The following WWTR1 variants were observed in gnomAD, a reference collection of about 807,000 sequenced individuals.
WWTR1 encodes the protein WW domain-containing transcription regulator protein 1.
Under a neutral mutation model 40.1 loss-of-function variants are expected in WWTR1, and 13 were observed. That is an observed-to-expected ratio of 0.32 (90% CI 0.21 to 0.52). The LOEUF (loss-of-function observed/expected upper bound fraction) is 0.52, where lower values mean the gene tolerates loss of function less well. Among genes scored for constraint, WWTR1 ranks in the 20% least tolerant of loss-of-function variants. The pLI, the probability that WWTR1 is intolerant of heterozygous loss-of-function variation, is 0.97. For synonymous variants in WWTR1, 230 were observed against 210.1 expected, an observed-to-expected ratio of 1.09 and a Z score of -0.82; for missense variants, 436 against 523.1, an observed-to-expected ratio of 0.83 and a Z score of 1.63.
intron 2 of WWTR1, among the ~76,000 whole-genome samples, chr3:149,640,029 AG>A (rs1454999946): frequency 6.6e-6 from 1 of 151,848 alleles, no homozygotes; most frequent in Non-Finnish European, 1.5e-5. Context: ...AAAGAAAGAA[AG>A]AAAGAAAGAA....
intron 1 of WWTR1, among the ~76,000 whole-genome samples, chr3:149,683,041 C>G (rs1714510722): frequency 6.6e-6 from 1 of 152,108 alleles, no homozygotes; most frequent in Non-Finnish European, 1.5e-5. Flanking sequence ...CTGGGGATAG[C>G]TCTATATTAG....
In WWTR1 at chr3:149,625,649, G is replaced by T. The variant is rs1056863937; in HGVS notation, c.431+31227C>A. On this transcript the variant is annotated intron_variant, in intron 2 of 6. Transcript: ENST00000360632. Reference sequence around the variant, plus strand: ...CTACTAAAAATACAAAAACTAGCTGGGCATGGTGGCACATGCCTGTAATCC... The same window carrying T: ...CTACTAAAAATACAAAAACTAGCTGTGCATGGTGGCACATGCCTGTAATCC... Among the ~76,000 whole-genome samples the T allele has an allele frequency of 2.0e-5, 3 of 151,708 alleles. No homozygotes were observed. The East Asian group carries it at 5.9e-4, about 30-fold the overall frequency.
intron 3 of WWTR1, among the ~76,000 whole-genome samples, chr3:149,550,310 A>C (rs986512191): frequency 6.6e-6 from 1 of 152,238 alleles, no homozygotes; most frequent in Admixed American, 6.5e-5. Flanking sequence ...CCCTGGTCTA[A>C]TAAGACTGGG....
intron 1 of WWTR1, chr3:149,702,687 C>T (rs1184010394): frequency 2.0e-5 from 3 of 152,022 alleles, no homozygotes; most frequent in Non-Finnish European, 2.9e-5. Flanking sequence ...CAGACACATC[C>T]TGATTGGCAA....
intron 2 of WWTR1, among the ~76,000 whole-genome samples, chr3:149,627,765 A>G (rs1740636797): frequency 6.6e-6 from 1 of 152,214 alleles, no homozygotes; most frequent in African/African-American, 2.4e-5. Flanking sequence ...CTTTCTAAAA[A>G]ATTCTGAAGA....
At chr3:149,563,929 T>G (rs1245239239) in intron 3 of WWTR1, among the ~76,000 whole-genome samples, 1 of 152,126 alleles carries the variant, frequency 6.6e-6, no homozygotes, top group Non-Finnish European at 1.5e-5. Context: ...TTTTTTTGTG[T>G]TTTTGGTGGA....
At chr3:149,677,075 C>T (rs1227662446) in intron 1 of WWTR1, among the ~76,000 whole-genome samples, 1 of 152,028 alleles carries the variant, frequency 6.6e-6, no homozygotes, top group African/African-American at 2.4e-5. Flanking sequence ...CGCCACCACG[C>T]CCAGCTAATT....
chr3:149,531,366 G>T (rs1735573112), intron 4 of WWTR1, among the ~76,000 whole-genome samples: 1 of 152,180 alleles, frequency 6.6e-6, no homozygotes, highest in African/African-American at 2.4e-5. Flanking sequence ...CAGCCAAAGT[G>T]AAGCTCACGT....
intron 3 of WWTR1, among the ~76,000 whole-genome samples, chr3:149,559,826 C>A (rs1022673117): frequency 6.6e-6 from 1 of 152,208 alleles, no homozygotes; most frequent in African/African-American, 2.4e-5. Context: ...CTCATAGTTC[C>A]TTCCAGCCTC....
rs560245521 is a variant in WWTR1, at chr3:149,616,512, G to A, written c.431+40364C>T. Among the ~76,000 whole-genome samples the A allele has an allele frequency of 5.3e-5, 8 of 150,664 alleles. No individual in the cohort carries two copies. In the South Asian group the frequency reaches 8.4e-4, roughly 16 times the overall value. On this transcript the variant is annotated intron_variant, in intron 2 of 6. Transcript: ENST00000360632. ...GGCTGGAGTGCAATGGCATGATCTC[G>A]GCTCACCGCAACCTCTGCCTCCCAG...
intron 1 of WWTR1, among the ~76,000 whole-genome samples, chr3:149,673,344 C>T (rs1019514914): frequency 3.0e-4 from 46 of 152,246 alleles, no homozygotes; most frequent in Middle Eastern, 3.4e-3. Flanking sequence ...ATGATGTGTA[C>T]GTTATGTAAA....
intron 1 of WWTR1, among the ~76,000 whole-genome samples, chr3:149,686,547 A>G (rs928101342): frequency 9.2e-5 from 14 of 152,154 alleles, no homozygotes; most frequent in Admixed American, 2.0e-4. Flanking sequence ...CTATATATAT[A>G]TAAATAATAG....
chr3:149,715,405 A>G (rs1195393298), intron 5 of WWTR1, among the ~76,000 whole-genome samples: 2 of 152,232 alleles, frequency 1.3e-5, no homozygotes, highest in Non-Finnish European at 2.9e-5. Context: ...TGCCTGGTCC[A>G]GCATAGCCTC....
intron 3 of WWTR1, among the ~76,000 whole-genome samples, chr3:149,568,391 G>GAATTCA (rs1737434372): frequency 6.6e-6 from 1 of 151,500 alleles, no homozygotes; most frequent in South Asian, 2.1e-4. Flanking sequence ...ATATGTCTGG[G>GAATTCA]AATTCAGGCT....
intron 3 of WWTR1, among the ~76,000 whole-genome samples, chr3:149,549,425 T>C (rs1020699973): frequency 5.3e-5 from 8 of 152,180 alleles, no homozygotes; most frequent in African/African-American, 1.7e-4. Context: ...CAAATTTCAA[T>C]AGAAAGGCAT....
intron 4 of WWTR1, among the ~76,000 whole-genome samples, chr3:149,541,265 C>T (rs1736086308): frequency 1.3e-5 from 2 of 152,344 alleles, no homozygotes; most frequent in South Asian, 4.1e-4. Flanking sequence ...GAATTCTGCT[C>T]TTCCATAGAC....
intron 2 of WWTR1, among the ~76,000 whole-genome samples, chr3:149,622,412 T>C (rs1273979227): frequency 6.7e-6 from 1 of 150,264 alleles, no homozygotes; most frequent in African/African-American, 2.5e-5. Context: ...ATTATCTTTT[T>C]GTACTTACAA....
upstream of WWTR1, among the ~76,000 whole-genome samples, chr3:149,707,131 T>C (rs1001170295): frequency 6.6e-6 from 1 of 152,144 alleles, no homozygotes; most frequent in Non-Finnish European, 1.5e-5. Flanking sequence ...GAACTCTGTG[T>C]TGTGTGCATT....
chr3:149,574,420 C>T (rs1737785103), intron 2 of WWTR1, among the ~76,000 whole-genome samples: 1 of 152,136 alleles, frequency 6.6e-6, no homozygotes, highest in South Asian at 2.1e-4. Flanking sequence ...TGTTTTGGGC[C>T]TCACAACCAG....
Sources: gnomAD v4.1 joint callset for allele counts (sites outside exome capture counted in the v4.1 genomes callset) on GRCh38, gnomAD v4.1.1 for gene constraint, MANE v1.5 for transcripts, NCBI Gene and HGNC (gene_info 2026-07-23, HGNC 2026-07-21) for gene names.